The following MGST1 variants were observed in gnomAD, a reference collection of about 807,000 sequenced individuals.
MGST1 encodes glutathione S-transferase 12.
In MGST1, 5 loss-of-function variants were observed where a neutral mutation model predicts 8.9. That is an observed-to-expected ratio of 0.56 (90% CI 0.29 to 1.19). MGST1 has a LOEUF of 1.19. MGST1 is among the 50% of genes most tolerant of loss of function. The pLI is 0.08. For synonymous variants in MGST1, 54 were observed against 67.8 expected (o/e 0.80, Z 1.00); for missense variants, 182 against 187.4 (o/e 0.97, Z 0.17).
intron 4 of MGST1, among the ~76,000 whole-genome samples, chr12:16,575,362 T>A (rs1942962313): frequency 6.6e-6 from 1 of 152,228 alleles, no homozygotes; most frequent in African/African-American, 2.4e-5. Context: ...TCCTCTCTGA[T>A]AATGATACCT....
chr12:16,439,291 A>G (rs935414579), downstream of MGST1, among the ~76,000 whole-genome samples: 1 of 151,868 alleles, frequency 6.6e-6, no homozygotes, highest in African/African-American at 2.4e-5. Flanking sequence ...TTAATGTAAT[A>G]TTGTTTTATT....
downstream of MGST1, among the ~76,000 whole-genome samples, chr12:16,443,441 G>T (rs1378702805): frequency 5.9e-5 from 9 of 151,316 alleles, no homozygotes; most frequent in Non-Finnish European, 8.9e-5. Context: ...TTCCTGCTCT[G>T]TTGTATTAGT....
At chr12:16,561,576 G>A (rs920256462) in intron 4 of MGST1, among the ~76,000 whole-genome samples, 2 of 152,176 alleles carry the variant, frequency 1.3e-5, no homozygotes, top group African/African-American at 2.4e-5. Flanking sequence ...TTATAAAAAT[G>A]TACTTTTAAA....
downstream of MGST1, among the ~76,000 whole-genome samples, chr12:16,442,960 G>A (rs1941050511): frequency 6.6e-6 from 1 of 151,762 alleles, no homozygotes; most frequent in African/African-American, 2.4e-5. The surrounding 1 kb of genome is among the most constrained non-coding windows in gnomAD (Gnocchi z 4.5). Context: ...TGAGAAAAGT[G>A]TGTTAAAACG....
intron 4 of MGST1, among the ~76,000 whole-genome samples, chr12:16,465,206 TTGAC>T (rs1207568076): frequency 6.6e-6 from 1 of 152,216 alleles, no homozygotes; most frequent in Admixed American, 6.5e-5. Flanking sequence ...GAAATAATTT[TTGAC>T]TGAATCCTTT....
chr12:16,434,959 C>G (rs1940971504), intron 1 of MGST1, among the ~76,000 whole-genome samples: 1 of 151,960 alleles, frequency 6.6e-6, no homozygotes, highest in African/African-American at 2.4e-5. Flanking sequence ...TTCACTTAAC[C>G]TGGCAGGTTT....
At chr12:16,368,634 G>T (rs138981177), downstream of MGST1, among the ~76,000 whole-genome samples, 1 of 152,098 alleles carries the variant, frequency 6.6e-6, no homozygotes, top group Non-Finnish European at 1.5e-5. Flanking sequence ...GGGAAGGGCC[G>T]TGTTGGGTTG....
At chr12:16,526,035 T>C (rs547076997) in intron 4 of MGST1, among the ~76,000 whole-genome samples, 102 of 145,990 alleles carry the variant, frequency 7.0e-4, no homozygotes, top group Non-Finnish European at 1.3e-3. Flanking sequence ...TTGTAGATTC[T>C]GGATATTAGC....
At position 16,517,651 on chromosome 12, in the gene MGST1, A is replaced by C. The variant is rs949171051; in HGVS notation, n.483-71877A>C. On this transcript the variant is annotated intron_variant and non_coding_transcript_variant, in intron 4 of 4. Transcript: ENST00000538857. This position sits in a 1 kb window ranked among gnomAD's most constrained non-coding sequence, Gnocchi z 4.2. ...ACAGCAGGTAAGCAAATCATGGAAC[A>C]ATGGCCATGACAGAGTGTTGCAAGC... 3.9e-5 allele frequency among the ~76,000 whole-genome samples: 6 copies of C among 152,210 alleles called. No homozygotes were observed. The highest frequency in any genetic ancestry group is 1.4e-4 in the African/African-American group (6 of 41,452).
At chr12:16,358,778 CCTT>C (rs1335008322) in intron 3 of MGST1, among the ~76,000 whole-genome samples, 3 of 79,102 alleles carry the variant, frequency 3.8e-5, no homozygotes, top group Non-Finnish European at 7.3e-5. Context: ...AAAATTCATT[CCTT>C]TTTTTTTTTT....
chr12:16,573,552 G>A (rs1204207484), intron 4 of MGST1: 2 of 152,214 alleles, frequency 1.3e-5, no homozygotes, highest in East Asian at 1.9e-4. Context: ...GATAAGGGGG[G>A]CAGTTAAAAG....
downstream of MGST1, among the ~76,000 whole-genome samples, chr12:16,590,828 T>C (rs1291197658): frequency 6.6e-6 from 1 of 152,038 alleles, no homozygotes; most frequent in Non-Finnish European, 1.5e-5. Flanking sequence ...TCATCCCCCT[T>C]AGATTGGCAA....
rs993861680 is a variant in MGST1, at chr12:16,522,760, T to C, written n.483-66768T>C. On this transcript the variant is annotated intron_variant and non_coding_transcript_variant, in intron 4 of 4. Transcript: ENST00000538857. ...ACAGCAGCTTTAACAGTTTCAACTCTGTTTCTGCAGTAAGATGTGAGTTTT... is the reference window on the plus strand; with the variant it reads ...ACAGCAGCTTTAACAGTTTCAACTCCGTTTCTGCAGTAAGATGTGAGTTTT... Among the ~76,000 whole-genome samples, 7 of 152,248 alleles carry C rather than the reference T, an allele frequency of 4.6e-5. No homozygotes were observed. The East Asian group carries it at 9.7e-4, about 21-fold the overall frequency.
intron 4 of MGST1, among the ~76,000 whole-genome samples, chr12:16,454,844 A>G (rs1258490813): frequency 6.8e-6 from 1 of 146,468 alleles, no homozygotes; most frequent in African/African-American, 2.5e-5. Flanking sequence ...AATTAATGTA[A>G]AAAAATCATC....
At chr12:16,475,251 C>T (rs1416173968) in intron 4 of MGST1, among the ~76,000 whole-genome samples, 1 of 152,044 alleles carries the variant, frequency 6.6e-6, no homozygotes, top group African/African-American at 2.4e-5. Flanking sequence ...TGAAAAAGTA[C>T]TGTACTCTTT....
At chr12:16,367,898 CTTTGTATAT>C (rs1191504745), downstream of MGST1, among the ~76,000 whole-genome samples, 2 of 152,160 alleles carry the variant, frequency 1.3e-5, no homozygotes, top group African/African-American at 2.4e-5. Flanking sequence ...CAATGCTTAT[CTTTGTATAT>C]TTTTTCCTGT....
In MGST1 at chr12:16,503,982, A is replaced by C. The variant is rs1003777325; in HGVS notation, n.483-85546A>C. Among the ~76,000 whole-genome samples, 2 of 152,136 alleles carry C rather than the reference A, an allele frequency of 1.3e-5. No individual in the cohort carries two copies. Among genetic ancestry groups the C allele is most frequent in the Non-Finnish European group, 2.9e-5 (2 of 68,030 alleles). On this transcript the variant is annotated intron_variant and non_coding_transcript_variant, in intron 4 of 4. Coordinates refer to the MGST1 transcript ENST00000538857. The surrounding 1 kb of genome is among the most constrained non-coding windows in gnomAD (Gnocchi z 4.8). ...TGCCCTATGCTGCTGCTTCGATAAA[A>C]GGTGTTGTCTAACACTTCCGGCTCA...
chr12:16,368,763 GC>G (rs1441499206), downstream of MGST1, among the ~76,000 whole-genome samples: 1 of 152,088 alleles, frequency 6.6e-6, no homozygotes, highest in Non-Finnish European at 1.5e-5. Context: ...AATTCAGAAA[GC>G]CCTGACAGCC....
At chr12:16,367,833 G>A (rs1051880015), downstream of MGST1, among the ~76,000 whole-genome samples, 1 of 142,704 alleles carries the variant, frequency 7.0e-6, no homozygotes, top group East Asian at 2.3e-4. Context: ...GACTAGCAAG[G>A]CCAAGTCTGA....
Sources: gnomAD v4.1 joint callset for allele counts (sites outside exome capture counted in the v4.1 genomes callset) on GRCh38, gnomAD v4.1.1 for gene constraint, Gnocchi (gnomAD v3.1) non-coding constraint, MANE v1.5 for transcripts, NCBI Gene and HGNC (gene_info 2026-07-23, HGNC 2026-07-21) for gene names.